CADM1: variants seen among roughly 807,000 people sequenced by gnomAD.
CADM1 encodes TSLC-1.
CADM1 carries 15 observed loss-of-function variants against 53.1 expected under a neutral mutation model. That is an observed-to-expected ratio of 0.28 (90% CI 0.19 to 0.44). The LOEUF is 0.44. CADM1 is among the 20% of genes least tolerant of loss of function. The probability of loss-of-function intolerance (pLI) is 1.00; values close to 1 mark genes in which losing one functional copy is unlikely to be tolerated. For missense variants in CADM1, 434 were observed against 611.3 expected, an observed-to-expected ratio of 0.71 and a Z score of 3.06; for synonymous variants, 281 against 243.0, an observed-to-expected ratio of 1.16 and a Z score of -1.45.
At chr11:115,394,581 T>C (rs978536654) in intron 1 of CADM1, among the ~76,000 whole-genome samples, 2 of 152,210 alleles carry the variant, frequency 1.3e-5, no homozygotes, top group African/African-American at 2.4e-5. Flanking sequence ...GCGTTACATA[T>C]TGAAAAACGA....
At chr11:115,368,209 G>A (rs1367226513) in intron 1 of CADM1, among the ~76,000 whole-genome samples, 3 of 139,548 alleles carry the variant, frequency 2.1e-5, no homozygotes, top group African/African-American at 8.0e-5. Context: ...TTCAGGTGTG[G>A]CACGGTTACC....
At chr11:115,449,225 G>A (rs971504883) in intron 1 of CADM1, among the ~76,000 whole-genome samples, 5 of 152,082 alleles carry the variant, frequency 3.3e-5, no homozygotes, top group Non-Finnish European at 5.9e-5. Context: ...CAACAATAGC[G>A]GTTTATATCC....
At chr11:115,440,756 CA>C (rs1446734037) in intron 1 of CADM1, among the ~76,000 whole-genome samples, 26 of 152,268 alleles carry the variant, frequency 1.7e-4, no homozygotes, top group African/African-American at 6.0e-4. Flanking sequence ...TGTGGATACT[CA>C]GTCGCTTTGG....
At chr11:115,485,949 A>C (rs1226873930) in intron 1 of CADM1, among the ~76,000 whole-genome samples, 2 of 152,228 alleles carry the variant, frequency 1.3e-5, no homozygotes, top group Non-Finnish European at 2.9e-5. Context: ...AGTTCATTGC[A>C]TTCCCTTACT....
chr11:115,350,597 G>T (rs551058184), intron 1 of CADM1, among the ~76,000 whole-genome samples: 1 of 148,502 alleles, frequency 6.7e-6, no homozygotes, highest in Non-Finnish European at 1.5e-5. Flanking sequence ...TAAGAAAATG[G>T]CTAGCTGGCT....
At chr11:115,286,901 A>G (rs1333437686) in intron 1 of CADM1, among the ~76,000 whole-genome samples, 1 of 152,208 alleles carries the variant, frequency 6.6e-6, no homozygotes, top group East Asian at 1.9e-4. Context: ...TTTCAAGAAC[A>G]ACAGAACCTT....
chr11:115,191,949 G>A (rs140841458), intron 9 of CADM1, among the ~76,000 whole-genome samples: 1 of 152,312 alleles, frequency 6.6e-6, no homozygotes, highest in African/African-American at 2.4e-5. Context: ...CTTTGGAGAA[G>A]CAAGTTGTGT....
intron 1 of CADM1, among the ~76,000 whole-genome samples, chr11:115,305,900 CAAAAAA>C (rs35517673): frequency 2.5e-5 from 2 of 80,810 alleles, no homozygotes; most frequent in African/African-American, 4.6e-5. Flanking sequence ...GACTCCATCT[CAAAAAA>C]AAAAAAAAAA....
intron 10 of CADM1, among the ~76,000 whole-genome samples, chr11:115,180,627 ATT>A (rs112512887): frequency 1.4e-5 from 2 of 145,694 alleles, no homozygotes; most frequent in African/African-American, 5.0e-5. Context: ...CGGTCAAGGG[ATT>A]TTTTTTTTTT....
intron 1 of CADM1, among the ~76,000 whole-genome samples, chr11:115,482,327 T>A (rs888886159): frequency 6.6e-6 from 1 of 152,180 alleles, no homozygotes; most frequent in African/African-American, 2.4e-5. Flanking sequence ...TTTTACTGTG[T>A]CCTGCAAAAA....
At chr11:115,293,839 T>C (rs1377374947) in intron 1 of CADM1, among the ~76,000 whole-genome samples, 1 of 152,202 alleles carries the variant, frequency 6.6e-6, no homozygotes, top group East Asian at 1.9e-4. Context: ...AGCAAACTTT[T>C]TATTTCTCAG....
rs187350898 is a variant in CADM1, at chr11:115,432,653, A to C, written c.124+71618T>G. ...ATATTTGTATTGCTCAGGAGAATCA[A>C]TTACCCAAACTTCCTGCACGGTTGT... On this transcript the variant is annotated intron_variant, in intron 1 of 11. Coordinates refer to ENST00000331581, the MANE Select transcript of CADM1 (RefSeq NM_001301043.2). Among the ~76,000 whole-genome samples the C allele has an allele frequency of 8.5e-5, 13 of 152,354 alleles. No individual in the cohort carries two copies. The East Asian group carries it at 2.5e-3, about 29-fold the overall frequency.
rs777472577 is a variant in CADM1, at chr11:115,178,653, T to C, written c.1288A>G (p.Arg430Gly). 2 of 1,613,374 alleles carry C rather than the reference T, an allele frequency of 1.2e-6. No homozygotes were observed. Among genetic ancestry groups the C allele is most frequent in the South Asian group, 2.2e-5 (2 of 91,078 alleles). ...LLIILGRYFA[R>G]HKGTYFTHEA... The stretch of plus-strand genomic sequence containing the variant: ...CTGAAGCTTTGCTTACCTTTATGTC[T>C]GGCAAAATAGCGCCCCAGAATGATG... The change falls in exon 11 of 12, where the codon AGA becomes GGA. Residue 430 changes from arginine (R) to glycine (G), a missense_variant. Arg to Gly is a moderately radical substitution (Grantham distance 125, BLOSUM62 -2). This residue lies in a region of CADM1 where 311 missense variants were observed against 435.1 expected (regional missense o/e 0.71). Transcript: ENST00000331581.
At chr11:115,292,152 C>T (rs529079319) in intron 1 of CADM1, among the ~76,000 whole-genome samples, 3 of 152,278 alleles carry the variant, frequency 2.0e-5, no homozygotes, top group South Asian at 2.1e-4. Flanking sequence ...TCCGCACAGT[C>T]GCTGACAACC....
intron 1 of CADM1, among the ~76,000 whole-genome samples, chr11:115,356,644 T>C (rs924093956): frequency 6.6e-6 from 1 of 152,214 alleles, no homozygotes; most frequent in African/African-American, 2.4e-5. Context: ...TTGTTTAAAG[T>C]AGCCCTTTCA....
intron 1 of CADM1, among the ~76,000 whole-genome samples, chr11:115,405,915 C>T (rs537400356): frequency 5.3e-4 from 80 of 152,134 alleles, no homozygotes; most frequent in Admixed American, 1.4e-3. Context: ...GGGGCAGACA[C>T]GAGAGAGGAC....
chr11:115,411,505 C>G (rs1947459065), intron 1 of CADM1, among the ~76,000 whole-genome samples: 1 of 152,046 alleles, frequency 6.6e-6, no homozygotes, highest in Non-Finnish European at 1.5e-5. Flanking sequence ...ATTAGGAGAG[C>G]CTTACTACAA....
At chr11:115,400,535 T>G (rs1392831287) in intron 1 of CADM1, among the ~76,000 whole-genome samples, 1 of 145,428 alleles carries the variant, frequency 6.9e-6, no homozygotes, top group African/African-American at 2.5e-5. Context: ...ACTGTCAAAA[T>G]CAGACCTACA....
chr11:115,372,838 T>G (rs529858396), intron 1 of CADM1, among the ~76,000 whole-genome samples: 1 of 152,138 alleles, frequency 6.6e-6, no homozygotes, highest in South Asian at 2.1e-4. Context: ...ACACTGGAAC[T>G]CTCAGGTGAG....
Sources: allele counts gnomAD v4.1 joint callset (sites outside exome capture counted in the v4.1 genomes callset), GRCh38; gene constraint gnomAD v4.1.1; regional missense constraint gnomAD v4.1.1; transcripts MANE v1.5; gene names NCBI Gene and HGNC (gene_info 2026-07-23, HGNC 2026-07-21).